FER: variants seen among roughly 807,000 people sequenced by gnomAD.
The protein encoded by FER is FER tyrosine kinase, also known as tyrosine-protein kinase Fer.
In FER, 63 loss-of-function variants were observed where a neutral mutation model predicts 111.0. That is an observed-to-expected ratio of 0.57 (90% CI 0.46 to 0.70). FER has a LOEUF of 0.70. Among genes scored for constraint, FER ranks in the 30% least tolerant of loss-of-function variants. FER has a pLI of 0.00. For synonymous variants in FER, 327 were observed against 313.9 expected (o/e 1.04, Z -0.44); for missense variants, 914 against 954.0 (o/e 0.96, Z 0.55).
intron 17 of FER, among the ~76,000 whole-genome samples, chr5:109,133,140 C>T (rs1285472377): frequency 6.6e-6 from 1 of 152,120 alleles, no homozygotes; most frequent in Non-Finnish European, 1.5e-5. Flanking sequence ...AGAGGGTTAT[C>T]TAGCTTGATA....
At chr5:108,803,904 T>C (rs538967427) in intron 3 of FER, among the ~76,000 whole-genome samples, 1 of 152,310 alleles carries the variant, frequency 6.6e-6, no homozygotes, top group South Asian at 2.1e-4. Flanking sequence ...TAGTGTTGAA[T>C]CTGTAGATTG....
intron 13 of FER, among the ~76,000 whole-genome samples, chr5:108,989,615 T>C (rs914318544): frequency 6.6e-6 from 1 of 152,010 alleles, no homozygotes; most frequent in African/African-American, 2.4e-5. Flanking sequence ...TTAACTAATA[T>C]TACATATGTG....
chr5:109,114,621 C>T (rs1750013885), intron 17 of FER, among the ~76,000 whole-genome samples: 1 of 151,996 alleles, frequency 6.6e-6, no homozygotes, highest in Admixed American at 6.6e-5. Flanking sequence ...ACTCAACTCT[C>T]CCATTCTGAA....
At chr5:109,058,330 C>T (rs1386182415) in intron 16 of FER, among the ~76,000 whole-genome samples, 1 of 152,064 alleles carries the variant, frequency 6.6e-6, no homozygotes, top group Non-Finnish European at 1.5e-5. Flanking sequence ...CTCACAACTT[C>T]TCTTATTGTA....
chr5:108,988,954 G>T (rs1349374296), intron 13 of FER, among the ~76,000 whole-genome samples: 1 of 152,078 alleles, frequency 6.6e-6, no homozygotes, highest in Non-Finnish European at 1.5e-5. Flanking sequence ...TACCTTTGCT[G>T]TATCCCAAAG....
At position 108,753,314 on chromosome 5, in the gene FER, G is replaced by T. The variant is rs897752875; in HGVS notation, c.-206+5314G>T. ...AATTTACAATAAATTTACTTAAGTT[G>T]AATGACATTTGCATTTATACAAATA... On this transcript the variant is annotated intron_variant, in intron 1 of 19. Transcript: ENST00000281092. Among the ~76,000 whole-genome samples, 7 of 152,064 alleles carry T rather than the reference G, an allele frequency of 4.6e-5. 1 individual carries two copies. The Middle Eastern group carries it at 0.014, about 296-fold the overall frequency.
intron 17 of FER, among the ~76,000 whole-genome samples, chr5:109,146,253 A>AT (rs1491409370): frequency 1.7e-4 from 7 of 42,130 alleles, no homozygotes; most frequent in East Asian, 5.7e-4. Context: ...TAATCTATCT[A>AT]ATATATATAT....
At chr5:109,142,123 T>C (rs914153614) in intron 17 of FER, among the ~76,000 whole-genome samples, 64 of 152,232 alleles carry the variant, frequency 4.2e-4, no homozygotes, top group African/African-American at 1.4e-3. Context: ...CATAATCTCA[T>C]TTAAGAGGGT....
At chr5:109,088,875 C>G (rs1355586046) in intron 16 of FER, among the ~76,000 whole-genome samples, 2 of 152,014 alleles carry the variant, frequency 1.3e-5, no homozygotes, top group African/African-American at 4.8e-5. Context: ...AAAGAACAGC[C>G]TCTTATAGAG....
intron 17 of FER, among the ~76,000 whole-genome samples, chr5:109,163,373 G>A (rs1244984140): frequency 6.6e-6 from 1 of 152,094 alleles, no homozygotes; most frequent in Non-Finnish European, 1.5e-5. Flanking sequence ...CTTTGTGTCA[G>A]TGTGTTATTT....
chr5:108,843,605 C>G (rs1761504567), intron 5 of FER, among the ~76,000 whole-genome samples: 1 of 147,872 alleles, frequency 6.8e-6, no homozygotes. Context: ...TCTCGGGTCG[C>G]TGTAGCCTCC....
chr5:109,192,497 G>T lies in FER; in HGVS notation c.*4922G>T, dbSNP rs184890559. 1.3e-5 allele frequency: 2 copies of T among 152,180 alleles called. No homozygotes were observed. The highest frequency in any genetic ancestry group is 2.9e-5 in the Non-Finnish European group (2 of 68,030). 9.4% of individuals were successfully genotyped at this position (152,180 alleles called of 1,614,324 possible). On this transcript the variant is annotated 3_prime_UTR_variant, in exon 20 of 20. Coordinates refer to ENST00000281092, the MANE Select transcript of FER (RefSeq NM_005246.4). ...ATTCCCAGCTCAGAGATGATTGTGT[G>T]CTGGGAAATGCTTATATTCATTATT...
intron 13 of FER, among the ~76,000 whole-genome samples, chr5:109,028,163 C>G (rs940398180): frequency 7.9e-5 from 12 of 152,180 alleles, no homozygotes; most frequent in Non-Finnish European, 1.2e-4. Context: ...ACTCATAACT[C>G]TGCCAGTTAT....
chr5:108,940,534 A>T (rs1302545631), intron 10 of FER, among the ~76,000 whole-genome samples: 1 of 152,108 alleles, frequency 6.6e-6, no homozygotes, highest in Non-Finnish European at 1.5e-5. Context: ...CAGGCCTTTT[A>T]CAGGAAAAAA....
intron 17 of FER, among the ~76,000 whole-genome samples, chr5:109,155,524 A>G (rs1243900534): frequency 6.6e-6 from 1 of 151,956 alleles, no homozygotes; most frequent in African/African-American, 2.4e-5. Flanking sequence ...CCTGGTTAAG[A>G]TTAATTGTAG....
intron 16 of FER, chr5:109,051,221 A>G: frequency 1.2e-6 from 1 of 818,400 alleles, no homozygotes; most frequent in Non-Finnish European, 2.1e-6. Flanking sequence ...TACCACCTCC[A>G]CCGGATCAAA....
chr5:108,950,660 C>T (rs190460022), intron 11 of FER, among the ~76,000 whole-genome samples: 63 of 151,988 alleles, frequency 4.1e-4, no homozygotes, highest in African/African-American at 1.2e-3. Context: ...TAGATTCAAA[C>T]GGTAACTATT....
chr5:109,032,444 TC>T (rs1769769461), intron 13 of FER, among the ~76,000 whole-genome samples: 1 of 152,178 alleles, frequency 6.6e-6, no homozygotes, highest in African/African-American at 2.4e-5. Flanking sequence ...CATCTCTTTT[TC>T]CTTCTGTTCC....
At chr5:108,940,458 T>C (rs987804556) in intron 10 of FER, among the ~76,000 whole-genome samples, 6 of 152,026 alleles carry the variant, frequency 3.9e-5, no homozygotes, top group African/African-American at 1.4e-4. Context: ...AATAGTAGTT[T>C]TTAGAAACCT....
Sources: gnomAD v4.1 joint callset for allele counts (sites outside exome capture counted in the v4.1 genomes callset) on GRCh38, gnomAD v4.1.1 for gene constraint, MANE v1.5 for transcripts, NCBI Gene and HGNC (gene_info 2026-07-23, HGNC 2026-07-21) for gene names.